The following KCNAB1 variants were observed in gnomAD, a reference collection of about 807,000 sequenced individuals.
KCNAB1 encodes the protein potassium voltage-gated channel subfamily A regulatory beta subunit 1.
A neutral mutation model predicts 64.6 loss-of-function variants in KCNAB1; 35 were observed. That is an observed-to-expected ratio of 0.54 (90% CI 0.41 to 0.72). KCNAB1 has a LOEUF of 0.72. Among genes scored for constraint, KCNAB1 ranks in the 30% least tolerant of loss-of-function variants. The pLI is 0.00. For synonymous variants in KCNAB1, 177 were observed against 183.8 expected, an observed-to-expected ratio of 0.96 and a Z score of 0.30; for missense variants, 401 against 512.9, an observed-to-expected ratio of 0.78 and a Z score of 2.11.
chr3:156,263,039 G>A (rs1486126466), intron 1 of KCNAB1, among the ~76,000 whole-genome samples: 1 of 151,760 alleles, frequency 6.6e-6, no homozygotes, highest in African/African-American at 2.4e-5. Context: ...TTTTCAGTCA[G>A]TCTAGCTAAG....
chr3:156,260,113 AG>A (rs1718342914), intron 1 of KCNAB1, among the ~76,000 whole-genome samples: 1 of 152,188 alleles, frequency 6.6e-6, no homozygotes, highest in African/African-American at 2.4e-5. Context: ...AGGACTTCCC[AG>A]ACCTCTGACC....
chr3:156,121,975 C>A (rs756355435), intron 1 of KCNAB1, among the ~76,000 whole-genome samples: 1 of 152,188 alleles, frequency 6.6e-6, no homozygotes, highest in Non-Finnish European at 1.5e-5. Flanking sequence ...AACTAACTTT[C>A]ATTTTCTCTT....
At chr3:156,304,262 C>T (rs777647382) in intron 1 of KCNAB1, among the ~76,000 whole-genome samples, 1 of 152,160 alleles carries the variant, frequency 6.6e-6, no homozygotes. Flanking sequence ...CATTCTTTGC[C>T]AGTAAAATCA....
intron 1 of KCNAB1, among the ~76,000 whole-genome samples, chr3:156,316,365 C>T (rs1056549533): frequency 2.0e-5 from 3 of 152,138 alleles, no homozygotes; most frequent in African/African-American, 7.2e-5. Flanking sequence ...AGAAAGTATA[C>T]CATATTGGTT....
At chr3:156,168,989 A>G (rs1711784212) in intron 1 of KCNAB1, among the ~76,000 whole-genome samples, 1 of 147,764 alleles carries the variant, frequency 6.8e-6, no homozygotes, top group African/African-American at 2.5e-5. Context: ...CAGTAGAAAT[A>G]AGGCGAGGGA....
chr3:156,177,848 C>T (rs766082667), intron 1 of KCNAB1, among the ~76,000 whole-genome samples: 32 of 152,204 alleles, frequency 2.1e-4, no homozygotes, highest in African/African-American at 7.7e-4. Flanking sequence ...TCAAACGATT[C>T]TCCTTCAGCC....
chr3:156,529,523 C>A (rs1718550119), intron 12 of KCNAB1, among the ~76,000 whole-genome samples: 1 of 150,992 alleles, frequency 6.6e-6, no homozygotes. Flanking sequence ...TCCCAGATAG[C>A]AGCATCAGCA....
At chr3:156,249,976 A>G (rs1448035523) in intron 1 of KCNAB1, among the ~76,000 whole-genome samples, 1 of 152,202 alleles carries the variant, frequency 6.6e-6, no homozygotes, top group Non-Finnish European at 1.5e-5. Flanking sequence ...AAGCTGTTTG[A>G]ATGGAGTCAG....
chr3:156,199,190 A>G (rs536001197), intron 1 of KCNAB1, among the ~76,000 whole-genome samples: 8 of 152,252 alleles, frequency 5.3e-5, no homozygotes, highest in Admixed American at 2.0e-4. Context: ...GATATCTGCT[A>G]TTCATCTGAT....
At chr3:156,250,655 G>T (rs1446983799) in intron 1 of KCNAB1, among the ~76,000 whole-genome samples, 1 of 152,178 alleles carries the variant, frequency 6.6e-6, no homozygotes, top group East Asian at 1.9e-4. Context: ...ATTTTGACTA[G>T]CTGGCTACAT....
At chr3:156,415,010 CTGAT>C (rs1328587599) in intron 1 of KCNAB1, among the ~76,000 whole-genome samples, 1 of 152,240 alleles carries the variant, frequency 6.6e-6, no homozygotes, top group African/African-American at 2.4e-5. Context: ...TCTTCATCCT[CTGAT>C]TCCCACTTTT....
chr3:156,279,314 G>A (rs1158146734), intron 1 of KCNAB1, among the ~76,000 whole-genome samples: 2 of 151,978 alleles, frequency 1.3e-5, no homozygotes, highest in East Asian at 3.9e-4. Context: ...TTTTATGGCT[G>A]CATAGTATTC....
intron 8 of KCNAB1, among the ~76,000 whole-genome samples, chr3:156,493,693 C>A (rs901294985): frequency 6.6e-6 from 1 of 152,142 alleles, no homozygotes; most frequent in Admixed American, 6.6e-5. Context: ...TGTCTTTCAT[C>A]TCCTGTAAGC....
chr3:156,291,869 T>C (rs1167320052), intron 1 of KCNAB1: 2 of 1,611,498 alleles, frequency 1.2e-6, no homozygotes. Context: ...GCCTGTGTTC[T>C]GGGGTTCTGA....
At chr3:156,423,591 A>G (rs1715609960) in intron 2 of KCNAB1, among the ~76,000 whole-genome samples, 1 of 152,260 alleles carries the variant, frequency 6.6e-6, no homozygotes, top group African/African-American at 2.4e-5. Flanking sequence ...ACAAGATAGC[A>G]TTAAGGATCA....
intron 1 of KCNAB1, among the ~76,000 whole-genome samples, chr3:156,166,116 T>G (rs949601296): frequency 4.6e-5 from 7 of 152,150 alleles, no homozygotes; most frequent in African/African-American, 1.4e-4. Context: ...TGGCCTTACT[T>G]AAGGGAAAGT....
chr3:156,135,556 T>C (rs2108270776), intron 1 of KCNAB1, among the ~76,000 whole-genome samples: 2 of 152,372 alleles, frequency 1.3e-5, no homozygotes, highest in South Asian at 4.1e-4. Context: ...TTCTTCTAGC[T>C]CTAGTTAGAC....
At chr3:156,483,436 G>A (rs1289898265) in intron 8 of KCNAB1, among the ~76,000 whole-genome samples, 1 of 151,932 alleles carries the variant, frequency 6.6e-6, no homozygotes. Flanking sequence ...TATGCATATG[G>A]ATATGTTGTC....
intron 1 of KCNAB1, among the ~76,000 whole-genome samples, chr3:156,284,914 A>C (rs1720006542): frequency 6.6e-6 from 1 of 152,158 alleles, no homozygotes; most frequent in Non-Finnish European, 1.5e-5. Context: ...GAAATGCAGA[A>C]ATCACCCGTC....
Sources: gnomAD v4.1 joint callset for allele counts (sites outside exome capture counted in the v4.1 genomes callset) on GRCh38, gnomAD v4.1.1 for gene constraint, MANE v1.5 for transcripts, NCBI Gene and HGNC (gene_info 2026-07-23, HGNC 2026-07-21) for gene names.